The following SRGAP1 variants were observed in gnomAD, a reference collection of about 807,000 sequenced individuals.
SRGAP1 encodes the protein SLIT-ROBO Rho GTPase-activating protein 1.
A neutral mutation model predicts 121.9 loss-of-function variants in SRGAP1; 43 were observed. The observed-to-expected ratio is 0.35, with a 90% CI of 0.28 to 0.46. SRGAP1 has a LOEUF of 0.46. SRGAP1 is among the 20% of genes least tolerant of loss of function. The pLI, the probability that SRGAP1 is intolerant of heterozygous loss-of-function variation, is 1.00. For missense variants in SRGAP1, 1,102 were observed against 1,350.9 expected (o/e 0.82, Z 2.89); for synonymous variants, 447 against 485.4 (o/e 0.92, Z 1.04).
rs576358818 is a variant in SRGAP1 at position 64,160,543 on chromosome 12, A to T, written c.*17871A>T. On this transcript the variant is annotated 3_prime_UTR_variant, in exon 22 of 22. Transcript: ENST00000355086. ...GATTTCTCAATCAAAAGGCAAATATATCTCATATGTCGGAAGATTAATGTA... is the reference window on the plus strand; with the variant it reads ...GATTTCTCAATCAAAAGGCAAATATTTCTCATATGTCGGAAGATTAATGTA... 1.3e-5 allele frequency: 2 copies of T among 152,328 alleles called. No individual in the cohort carries two copies. The highest frequency in any genetic ancestry group is 3.9e-4 in the East Asian group (2 of 5,180). The allele number at this position is 152,328 out of a possible 1,614,324, so 9.4% of individuals were successfully genotyped here.
intron 13 of SRGAP1, 38 bp from the exon 14 acceptor site, chr12:64,095,089 A>G: frequency 1.2e-6 from 2 of 1,609,918 alleles, no homozygotes; most frequent in Non-Finnish European, 8.5e-7. Flanking sequence ...AGACAATGTG[A>G]TGGGGGTTTT....
At chr12:64,062,894 G>T (rs1365173097) in intron 6 of SRGAP1, 23 bp from the exon 7 acceptor site, 7 of 1,577,950 alleles carry the variant, frequency 4.4e-6, no homozygotes, top group Non-Finnish European at 6.1e-6. Flanking sequence ...ATTTTTGTAT[G>T]TGGTGTTCTT....
At chr12:64,079,483 TTATATTTATA>T (rs1248190143) in intron 9 of SRGAP1, among the ~76,000 whole-genome samples, 1 of 147,990 alleles carries the variant, frequency 6.8e-6, no homozygotes, top group Non-Finnish European at 1.5e-5. Flanking sequence ...ATATATATAT[TTATATTTATA>T]TATATTTATA....
intron 6 of SRGAP1, among the ~76,000 whole-genome samples, chr12:64,061,772 G>T (rs1195198222): frequency 1.3e-5 from 2 of 151,890 alleles, no homozygotes; most frequent in South Asian, 2.1e-4. Context: ...TGAACATTTC[G>T]TGTCAATAAA....
intron 3 of SRGAP1, among the ~76,000 whole-genome samples, chr12:64,016,616 A>G (rs1437728414): frequency 2.6e-5 from 4 of 152,202 alleles, no homozygotes; most frequent in Admixed American, 2.6e-4. Flanking sequence ...AAATGTCATG[A>G]TCTAGTTCAT....
intron 15 of SRGAP1, 166 bp from the exon 16 acceptor site, chr12:64,108,766 T>C (rs970284838): frequency 4.8e-6 from 2 of 413,680 alleles, no homozygotes; most frequent in Non-Finnish European, 8.5e-6. Context: ...GGAATGGTGG[T>C]ATACCCAAGC....
chr12:64,041,578 C>T (rs954264794), intron 4 of SRGAP1, among the ~76,000 whole-genome samples: 6 of 151,544 alleles, frequency 4.0e-5, no homozygotes, highest in East Asian at 1.9e-4. Flanking sequence ...GAGACGGTCC[C>T]GCTGTGTTGC....
intron 1 of SRGAP1, among the ~76,000 whole-genome samples, chr12:63,892,031 C>T (rs756318624): frequency 6.6e-6 from 1 of 150,704 alleles, no homozygotes; most frequent in Non-Finnish European, 1.5e-5. Flanking sequence ...AGATGAAGGT[C>T]GTAGAAAAAA....
intron 12 of SRGAP1, among the ~76,000 whole-genome samples, chr12:64,093,313 G>A (rs1361211981): frequency 6.6e-6 from 1 of 152,096 alleles, no homozygotes; most frequent in Non-Finnish European, 1.5e-5. Flanking sequence ...ATATCTGAAT[G>A]AAATACTGAT....
intron 1 of SRGAP1, among the ~76,000 whole-genome samples, chr12:63,925,926 A>G (rs2031245376): frequency 6.6e-6 from 1 of 152,162 alleles, no homozygotes; most frequent in African/African-American, 2.4e-5. Flanking sequence ...TCTTTAATTC[A>G]CACTGTAACC....
intron 1 of SRGAP1, among the ~76,000 whole-genome samples, chr12:63,885,797 C>T (rs1900360635): frequency 6.6e-6 from 1 of 152,164 alleles, no homozygotes; most frequent in Non-Finnish European, 1.5e-5. Flanking sequence ...AATGACTGCA[C>T]CAAGGGCTAT....
chr12:63,940,054 C>A (rs533037294), intron 1 of SRGAP1, among the ~76,000 whole-genome samples: 1 of 151,874 alleles, frequency 6.6e-6, no homozygotes. Flanking sequence ...CTCTACCTCC[C>A]GGGTTCAAGC....
intron 8 of SRGAP1, among the ~76,000 whole-genome samples, chr12:64,075,911 A>G (rs2035728601): frequency 6.9e-6 from 1 of 144,580 alleles, no homozygotes. Flanking sequence ...CCCAAACATT[A>G]TTTTGTTCAA....
intron 12 of SRGAP1, among the ~76,000 whole-genome samples, chr12:64,092,532 C>A (rs2036074724): frequency 1.3e-5 from 2 of 152,048 alleles, no homozygotes; most frequent in Non-Finnish European, 2.9e-5. Flanking sequence ...CCTCTGGCAG[C>A]CTTAAAAATC....
In SRGAP1 at chr12:64,146,848, T is replaced by C. The variant is rs1037786194; in HGVS notation, c.*4176T>C. On this transcript the variant is annotated 3_prime_UTR_variant, in exon 22 of 22. Coordinates refer to ENST00000355086, the MANE Select transcript of SRGAP1 (RefSeq NM_020762.4). ...GTTTTGTCAGATCCATAAAGCAAAC[T>C]GGAATTTGAGCTTTCACTTACCCTA... 2 of 149,582 alleles carry C rather than the reference T, an allele frequency of 1.3e-5. No homozygotes were observed. The highest frequency in any genetic ancestry group is 4.0e-4 in the East Asian group (2 of 5,034). 9.3% of individuals were successfully genotyped at this position (149,582 alleles called of 1,614,324 possible).
chr12:64,148,603 A>AT lies in SRGAP1; in HGVS notation c.*5932dup, dbSNP rs2037086140. The AT allele has an allele frequency of 6.6e-6, 1 of 152,212 alleles. No homozygotes were observed. Among genetic ancestry groups the AT allele is most frequent in the Admixed American group, 6.5e-5 (1 of 15,282 alleles). The allele number at this position is 152,212 out of a possible 1,614,324, so 9.4% of individuals were successfully genotyped here. On this transcript the variant is annotated 3_prime_UTR_variant, in exon 22 of 22. Transcript: ENST00000355086. ...TCTGGCCAGGTATTTTTCTTTAAAT[A>AT]TAAAAAAAAGATAACTTGAGGTCTA...
intron 1 of SRGAP1, among the ~76,000 whole-genome samples, chr12:63,923,582 C>A (rs946238595): frequency 1.2e-4 from 19 of 152,162 alleles, no homozygotes; most frequent in Non-Finnish European, 4.4e-5. Flanking sequence ...AAATTATCTG[C>A]TTCCGAATGC....
intron 1 of SRGAP1, among the ~76,000 whole-genome samples, chr12:63,874,649 T>A (rs1029242603): frequency 1.3e-5 from 2 of 152,176 alleles, no homozygotes; most frequent in African/African-American, 4.8e-5. Flanking sequence ...GACAGTTTTT[T>A]AAAAGCTCCT....
At chr12:63,939,715 C>A (rs189676750) in intron 1 of SRGAP1, among the ~76,000 whole-genome samples, 54 of 152,244 alleles carry the variant, frequency 3.5e-4, no homozygotes, top group Admixed American at 3.5e-3. Flanking sequence ...AGAATTATTC[C>A]TAGTGTTAAG....
Sources: allele counts gnomAD v4.1 joint callset (sites outside exome capture counted in the v4.1 genomes callset), GRCh38; gene constraint gnomAD v4.1.1; transcripts MANE v1.5; gene names NCBI Gene and HGNC (gene_info 2026-07-23, HGNC 2026-07-21).